The following PTK2 variants were observed in gnomAD, a reference collection of about 807,000 sequenced individuals.
PTK2 encodes the protein protein tyrosine kinase 2.
A neutral mutation model predicts 150.1 loss-of-function variants in PTK2; 45 were observed. The observed-to-expected ratio is 0.30, with a 90% CI of 0.24 to 0.38. The LOEUF is 0.38. PTK2 is among the 10% of genes least tolerant of loss of function. The probability of loss-of-function intolerance (pLI) is 1.00; values close to 1 mark genes in which losing one functional copy is unlikely to be tolerated. For synonymous variants in PTK2, 432 were observed against 449.2 expected, an observed-to-expected ratio of 0.96 and a Z score of 0.48; for missense variants, 919 against 1,307.3, an observed-to-expected ratio of 0.70 and a Z score of 4.58.
chr8:140,907,885 C>T (rs746618542), intron 2 of PTK2, among the ~76,000 whole-genome samples: 2 of 151,984 alleles, frequency 1.3e-5, no homozygotes, highest in Non-Finnish European at 2.9e-5. Flanking sequence ...CCTCCCTATT[C>T]AGAGACACAA....
intron 7 of PTK2, among the ~76,000 whole-genome samples, chr8:140,845,322 A>G (rs1023262027): frequency 5.9e-5 from 9 of 152,050 alleles, no homozygotes; most frequent in Non-Finnish European, 1.0e-4. Flanking sequence ...TCTCTCCCTC[A>G]TAAGAATGGT....
intron 1 of PTK2, among the ~76,000 whole-genome samples, chr8:140,943,796 C>T (rs1014885344): frequency 6.6e-6 from 1 of 152,064 alleles, no homozygotes; most frequent in Non-Finnish European, 1.5e-5. Context: ...AATGATATCT[C>T]GTGTGGTTGT....
intron 1 of PTK2, among the ~76,000 whole-genome samples, chr8:140,937,709 A>C (rs1441306749): frequency 6.6e-6 from 1 of 152,218 alleles, no homozygotes; most frequent in Non-Finnish European, 1.5e-5. Context: ...GTCCCAAAAT[A>C]CATCAAATAC....
At chr8:140,717,643 G>A (rs879241483) in exon 23 of PTK2, 43 of 1,614,062 alleles carry the variant, frequency 2.7e-5, no homozygotes, top group Non-Finnish European at 3.6e-5. Flanking sequence ...AGGACACTGT[G>A]GCCTGTCTTC....
At chr8:140,889,665 CG>C (rs1180692813) in intron 3 of PTK2, among the ~76,000 whole-genome samples, 2 of 151,016 alleles carry the variant, frequency 1.3e-5, no homozygotes, top group Non-Finnish European at 2.9e-5. Context: ...AGAAAAAAGA[CG>C]TATCTAAACT....
intron 3 of PTK2, 38 bp from the exon 4 acceptor site, chr8:140,879,675 T>C (rs1184382349): frequency 1.1e-4 from 4 of 37,264 alleles, no homozygotes; most frequent in Non-Finnish European, 1.7e-4. Flanking sequence ...TGTTATAAAC[T>C]GAAAAAAAAA....
chr8:140,995,381 CAAAAAAA>C (rs34527935), intron 1 of PTK2, among the ~76,000 whole-genome samples: 105 of 92,380 alleles, frequency 1.1e-3, no homozygotes, highest in Non-Finnish European at 1.4e-3. Context: ...GACTCCGTCT[CAAAAAAA>C]AAAAAAAAAA....
chr8:140,951,284 C>G (rs2100179468), intron 1 of PTK2, among the ~76,000 whole-genome samples: 1 of 152,150 alleles, frequency 6.6e-6, no homozygotes, highest in African/African-American at 2.4e-5. Flanking sequence ...AAGGCAAGGA[C>G]CAAGAACCAA....
At chr8:140,679,741 A>T (rs1379285617) in intron 27 of PTK2, among the ~76,000 whole-genome samples, 1 of 152,202 alleles carries the variant, frequency 6.6e-6, no homozygotes, top group Non-Finnish European at 1.5e-5. Context: ...CACTGATGGG[A>T]TCAATTTTCC....
intron 14 of PTK2, among the ~76,000 whole-genome samples, chr8:140,774,294 G>A (rs1260249085): frequency 6.6e-6 from 1 of 152,212 alleles, no homozygotes; most frequent in Non-Finnish European, 1.5e-5. Flanking sequence ...CAGTTTTGGA[G>A]TGGCTGACAG....
At chr8:140,670,858 G>A (rs1417948967) in intron 29 of PTK2, among the ~76,000 whole-genome samples, 1 of 152,192 alleles carries the variant, frequency 6.6e-6, no homozygotes, top group African/African-American at 2.4e-5. Context: ...AGACAATTCT[G>A]TAATTCTAGG....
At chr8:140,831,674 T>C (rs1470429709) in intron 7 of PTK2, among the ~76,000 whole-genome samples, 4 of 152,258 alleles carry the variant, frequency 2.6e-5, no homozygotes, top group African/African-American at 9.6e-5. Context: ...CCTATAATTC[T>C]CTCTCAGCTT....
At chr8:140,686,784 C>A (rs1244236929) in intron 26 of PTK2, 90 bp from the exon 30 acceptor site, 20 of 1,089,574 alleles carry the variant, frequency 1.8e-5, no homozygotes, top group Non-Finnish European at 2.6e-5. Context: ...CTTTTTAACA[C>A]AATTGTCCTC....
chr8:140,719,766 G>A (rs1241518669), intron 22 of PTK2, among the ~76,000 whole-genome samples: 2 of 151,788 alleles, frequency 1.3e-5, no homozygotes, highest in Admixed American at 6.6e-5. Flanking sequence ...GCTTATGCCT[G>A]TAATCCCAGC....
intron 1 of PTK2, among the ~76,000 whole-genome samples, chr8:140,985,384 C>A (rs1280374166): frequency 6.6e-6 from 1 of 152,148 alleles, no homozygotes; most frequent in Non-Finnish European, 1.5e-5. Context: ...CCAGGCCTCC[C>A]AAAGTGCTCG....
At chr8:140,933,412 GAGA>G (rs1003538025) in intron 1 of PTK2, among the ~76,000 whole-genome samples, 6 of 152,220 alleles carry the variant, frequency 3.9e-5, no homozygotes, top group Admixed American at 6.5e-5. Context: ...TACCAATTCT[GAGA>G]AGAAGAAGCA....
chr8:140,890,299 A>G (rs2154607381), intron 3 of PTK2: 1 of 411,506 alleles, frequency 2.4e-6, no homozygotes, highest in South Asian at 5.5e-5. Flanking sequence ...GGGAAAAATA[A>G]GTCAATGGTA....
chr8:140,872,719 T>C (rs1482493643), intron 4 of PTK2, among the ~76,000 whole-genome samples: 6 of 152,234 alleles, frequency 3.9e-5, no homozygotes, highest in Non-Finnish European at 8.8e-5. Context: ...TCTGAAGGAA[T>C]TTACCATTCC....
At chr8:140,660,653 AAGAC>A (rs1200805392) in intron 31 of PTK2, 1 of 455,178 alleles carries the variant, frequency 2.2e-6, no homozygotes, top group Non-Finnish European at 4.4e-6. Flanking sequence ...TTGAGCCTGG[AAGAC>A]AGAGGTTGTA....
Sources: allele counts gnomAD v4.1 joint callset (sites outside exome capture counted in the v4.1 genomes callset), GRCh38; gene constraint gnomAD v4.1.1; transcripts MANE v1.5; gene names NCBI Gene and HGNC (gene_info 2026-07-23, HGNC 2026-07-21).